Variants in SPAG16 observed in about 807,000 individuals in gnomAD.
The protein encoded by SPAG16 is sperm-associated antigen 16 protein.
In SPAG16, 86 loss-of-function variants were observed where a neutral mutation model predicts 80.4. The ratio of observed to expected loss-of-function variants is 1.07; its 90% CI spans 0.90 to 1.28. The LOEUF (loss-of-function observed/expected upper bound fraction) is 1.28, where lower values mean the gene tolerates loss of function less well. Among genes scored for constraint, SPAG16 ranks in the 50% most tolerant of loss-of-function variants. The pLI, the probability that SPAG16 is intolerant of heterozygous loss-of-function variation, is 0.00. For synonymous variants in SPAG16, 294 were observed against 265.9 expected (o/e 1.11, Z -1.03); for missense variants, 870 against 765.3 (o/e 1.14, Z -1.61).
intron 10 of SPAG16, among the ~76,000 whole-genome samples, chr2:213,692,659 A>T (rs1167607592): frequency 6.6e-6 from 1 of 151,962 alleles, no homozygotes; most frequent in Admixed American, 6.6e-5. Flanking sequence ...AAATACAAAA[A>T]ATTAGCCCGC....
chr2:214,298,267 G>A (rs549461821), intron 15 of SPAG16, among the ~76,000 whole-genome samples: 2 of 151,868 alleles, frequency 1.3e-5, no homozygotes, highest in East Asian at 1.9e-4. Flanking sequence ...AAATGTCTCT[G>A]ATTTTTTGTA....
intron 15 of SPAG16, among the ~76,000 whole-genome samples, chr2:214,373,114 A>G (rs1373285367): frequency 6.6e-6 from 1 of 152,148 alleles, no homozygotes; most frequent in Non-Finnish European, 1.5e-5. Context: ...GAGGTTAAAT[A>G]TGCCTCCAGA....
At chr2:213,469,678 C>T (rs1438646235) in intron 9 of SPAG16, among the ~76,000 whole-genome samples, 1 of 149,286 alleles carries the variant, frequency 6.7e-6, no homozygotes, top group Non-Finnish European at 1.5e-5. Context: ...TTGCAGTTTC[C>T]CATTGACATT....
intron 15 of SPAG16, among the ~76,000 whole-genome samples, chr2:214,172,094 TA>T (rs1282541060): frequency 6.6e-6 from 1 of 151,864 alleles, no homozygotes; most frequent in Non-Finnish European, 1.5e-5. Flanking sequence ...GTTTTTTTTT[TA>T]AATTTTATTA....
chr2:214,194,176 C>T (rs773457028), intron 15 of SPAG16, among the ~76,000 whole-genome samples: 5 of 151,982 alleles, frequency 3.3e-5, no homozygotes, highest in Non-Finnish European at 5.9e-5. Context: ...GGGGCTTTTG[C>T]TTTTTCTAGC....
intron 5 of SPAG16, among the ~76,000 whole-genome samples, chr2:213,327,690 A>G (rs1003104063): frequency 6.6e-6 from 1 of 152,108 alleles, no homozygotes; most frequent in Non-Finnish European, 1.5e-5. Context: ...ACGTTCACAA[A>G]ATTTTAAATT....
chr2:213,363,657 T>C (rs954852439), intron 7 of SPAG16, among the ~76,000 whole-genome samples: 4 of 152,056 alleles, frequency 2.6e-5, no homozygotes, highest in African/African-American at 4.8e-5. Context: ...GTTGGGGGAA[T>C]AAAAACAACC....
chr2:213,286,369 G>C (rs1365186211), intron 1 of SPAG16, among the ~76,000 whole-genome samples: 1 of 152,154 alleles, frequency 6.6e-6, no homozygotes, highest in Admixed American at 6.5e-5. Context: ...ATTCCATGCT[G>C]AGGGAAGAGG....
intron 15 of SPAG16, among the ~76,000 whole-genome samples, chr2:214,166,593 A>G (rs574774477): frequency 6.6e-6 from 1 of 152,164 alleles, no homozygotes; most frequent in Non-Finnish European, 1.5e-5. Context: ...TATTTCCTTA[A>G]TTTATTCCTC....
intron 14 of SPAG16, among the ~76,000 whole-genome samples, chr2:214,118,667 C>G (rs1470687555): frequency 6.6e-6 from 1 of 152,058 alleles, no homozygotes; most frequent in African/African-American, 2.4e-5. Flanking sequence ...TAACCGCCCC[C>G]ATGATTAAAT....
At chr2:213,869,297 A>ATATGTGTGTATATATATATG (rs1559538332) in intron 11 of SPAG16, among the ~76,000 whole-genome samples, 1 of 124,912 alleles carries the variant, frequency 8.0e-6, no homozygotes, top group Admixed American at 8.8e-5. Context: ...ATATATGTAT[A>ATATGTGTGTATATATATATG]TATATATATA....
chr2:213,564,675 C>CTATTTTTTGATGTTGTTGTAAAAA (rs1403532710), intron 10 of SPAG16, among the ~76,000 whole-genome samples: 5 of 152,236 alleles, frequency 3.3e-5, no homozygotes, highest in African/African-American at 1.2e-4. Context: ...GTAAAAACCA[C>CTATTTTTTGATGTTGTTGTAAAAA]CACCGCCTCC....
At position 214,056,082 on chromosome 2, in the gene SPAG16, T is replaced by C. The variant is rs559811662; in HGVS notation, c.1527+42005T>C. Among the ~76,000 whole-genome samples, 4 of 152,256 alleles carry C rather than the reference T, an allele frequency of 2.6e-5. No homozygotes were observed. In the East Asian group the frequency reaches 7.7e-4, roughly 29 times the overall value. On this transcript the variant is annotated intron_variant, in intron 13 of 15. Coordinates refer to ENST00000331683, the MANE Select transcript of SPAG16 (RefSeq NM_024532.5). ...AGTAATTTTCAGCTATTAAATGGAA[T>C]ATAGAGTGGCAAGTAAAGACAGGAA...
At chr2:214,271,673 GC>G (rs1281218193) in intron 15 of SPAG16, among the ~76,000 whole-genome samples, 3 of 152,206 alleles carry the variant, frequency 2.0e-5, no homozygotes, top group African/African-American at 7.2e-5. Flanking sequence ...GGCGGTGGGT[GC>G]CTGTAATCCC....
intron 13 of SPAG16, among the ~76,000 whole-genome samples, chr2:214,088,898 A>G (rs2051968668): frequency 6.6e-6 from 1 of 152,142 alleles, no homozygotes; most frequent in African/African-American, 2.4e-5. Context: ...AATATGGGAA[A>G]GAAAATGAAA....
chr2:214,184,729 T>C (rs1210819984), intron 15 of SPAG16, among the ~76,000 whole-genome samples: 4 of 152,140 alleles, frequency 2.6e-5, no homozygotes, highest in South Asian at 2.1e-4. Flanking sequence ...ACTGATCTCA[T>C]AGTAGGATTT....
chr2:213,862,651 A>T (rs774222546), intron 11 of SPAG16, 23 bp downstream of exon 11: 5 of 1,612,904 alleles, frequency 3.1e-6, no homozygotes, highest in Non-Finnish European at 4.2e-6. Context: ...GACCCCTAGA[A>T]ATAGCCTAAT....
intron 14 of SPAG16, among the ~76,000 whole-genome samples, chr2:214,140,747 A>G (rs2055309185): frequency 6.6e-6 from 1 of 151,866 alleles, no homozygotes; most frequent in Non-Finnish European, 1.5e-5. Flanking sequence ...CTATTCTACA[A>G]GCTTCTTAGG....
intron 15 of SPAG16, among the ~76,000 whole-genome samples, chr2:214,230,834 A>AGT (rs1688645033): frequency 6.6e-6 from 1 of 151,938 alleles, no homozygotes; most frequent in Non-Finnish European, 1.5e-5. Flanking sequence ...AATAGCAAGC[A>AGT]GTTGTGGCAG....
Sources: gnomAD v4.1 joint callset for allele counts (sites outside exome capture counted in the v4.1 genomes callset) on GRCh38, gnomAD v4.1.1 for gene constraint, MANE v1.5 for transcripts, NCBI Gene and HGNC (gene_info 2026-07-23, HGNC 2026-07-21) for gene names.